MUC5B: variants seen among roughly 807,000 people sequenced by gnomAD.
MUC5B encodes mucin-5B.
Under a neutral mutation model 376.9 loss-of-function variants are expected in MUC5B, and 116 were observed. The observed-to-expected ratio is 0.31, with a 90% confidence interval of 0.26 to 0.36. The LOEUF (loss-of-function observed/expected upper bound fraction) is 0.36, where lower values mean the gene tolerates loss of function less well. Among genes scored for constraint, MUC5B ranks in the 10% least tolerant of loss-of-function variants. The pLI is 1.00. For missense variants in MUC5B, 7,165 were observed against 7,769.9 expected (o/e 0.92, Z 2.93); for synonymous variants, 3,517 against 3,390.9 (o/e 1.04, Z -1.29).
At chr11:1,228,870 AGGGCAGAGGACCCACCCCAGGCATAGT>A (rs1861955387) in intron 8 of MUC5B, 105 bp downstream of exon 8, 1 of 658,474 alleles carries the variant, frequency 1.5e-6, no homozygotes, top group Non-Finnish European at 2.0e-6. Context: ...ACAGGGGTGG[AGGGCAGAGGACCCACCCCAGGCATAGT>A]GGGCAGAGGC....
chr11:1,234,574 G>T lies in MUC5B; in HGVS notation c.2524G>T (p.Val842Leu), dbSNP rs1214770016. The change falls in exon 21 of 49, where the codon GTG becomes TTG. Residue 842 changes from valine to leucine, a missense_variant. This residue lies in a region of MUC5B where 530 missense variants were observed against 604.0 expected (regional missense o/e 0.88). Coordinates refer to ENST00000529681, the MANE Select transcript of MUC5B (RefSeq NM_002458.3). The surrounding 1 kb of genome is among the most constrained non-coding windows in gnomAD (Gnocchi z 6.3). ...VSGCVCPPGL[V>L]SDGSGGCIAE... The stretch of plus-strand genomic sequence containing the variant: ...CGGCTGTGTCTGTCCCCCGGGGCTG[G>T]TGTCGGATGGGAGTGGGGGCTGCAT... 2.5e-6 allele frequency: 4 copies of T among 1,580,154 alleles called. No homozygotes were observed. The highest frequency in any genetic ancestry group is 3.4e-6 in the Non-Finnish European group (4 of 1,163,962).
intron 25 of MUC5B, 93 bp downstream of exon 25, chr11:1,237,257 T>C (rs1862181508): frequency 7.8e-7 from 1 of 1,286,162 alleles, no homozygotes; most frequent in East Asian, 3.1e-5. Flanking sequence ...ACAGCAGCGC[T>C]CCAAGGAGGG....
chr11:1,259,429 G>T, intron 44 of MUC5B: 1 of 503,474 alleles, frequency 2.0e-6, no homozygotes, highest in South Asian at 2.3e-5. Flanking sequence ...CTCAGCCATT[G>T]CTGGGGTCTT....
chr11:1,257,833 G>A lies in MUC5B; in HGVS notation c.16450+123G>A, dbSNP rs144984348. ...AGAGCCACTGTGTCCTGGCGTGACC[G>A]CGGCAGGACCACTCGGCAGAGATGG... On this transcript the variant is annotated intron_variant, in intron 41 of 48. Coordinates refer to ENST00000529681, the MANE Select transcript of MUC5B (RefSeq NM_002458.3). The surrounding 1 kb of genome is among the most constrained non-coding windows in gnomAD (Gnocchi z 8.9). The A allele has an allele frequency of 3.0e-5, 35 of 1,186,202 alleles. No individual in the cohort carries two copies. The highest frequency in any genetic ancestry group is 1.7e-4 in the African/African-American group (11 of 65,318). The allele number at this position is 1,186,202 out of a possible 1,614,324, so 73.5% of individuals were successfully genotyped here.
rs1032536973 is a variant in MUC5B, at chr11:1,257,958, G to C, written c.16451-141G>C. On this transcript the variant is annotated intron_variant, in intron 41 of 48. Coordinates refer to ENST00000529681, the MANE Select transcript of MUC5B (RefSeq NM_002458.3). This position sits in a 1 kb window ranked among gnomAD's most constrained non-coding sequence, Gnocchi z 8.9. ...TGGGAAGCAGCGGGGAGGTGGCCAAGCAAGGGGCCTGGAGGGAGCCCCCAG... is the reference window on the plus strand; with the variant it reads ...TGGGAAGCAGCGGGGAGGTGGCCAACCAAGGGGCCTGGAGGGAGCCCCCAG... 5 of 973,318 alleles carry C rather than the reference G, an allele frequency of 5.1e-6. No individual in the cohort carries two copies. The African/African-American group carries it at 8.2e-5, about 16-fold the overall frequency. The allele number at this position is 973,318 out of a possible 1,614,324, so 60.3% of individuals were successfully genotyped here. A position where few individuals can be genotyped will look rare whatever the true frequency, so the allele number is the denominator to read the frequency against.
intron 33 of MUC5B, 69 bp from the exon 34 acceptor site, chr11:1,254,023 C>T: frequency 6.5e-7 from 1 of 1,548,926 alleles, no homozygotes; most frequent in South Asian, 1.2e-5. Flanking sequence ...GTGACGCTGG[C>T]TGCCATGACG....
chr11:1,226,856 C>T lies in MUC5B; in HGVS notation c.441C>T (p.Ser147=), dbSNP rs371939551. Residue 147 remains serine (S), a synonymous_variant, in exon 4 of 49, where the codon TCC becomes TCT. Transcript: ENST00000529681. ...TGGTGCTGGAGGCGTCCAACGGCTC[C>T]GTCCTCATCAATGGGCAGCGGTGAG... ...QGLVLEASNG[S]VLINGQREEL... is the part of the protein sequence containing the mutation. 4.7e-5 allele frequency: 75 copies of T among 1,607,388 alleles called. No homozygotes were observed. The highest frequency in any genetic ancestry group is 2.3e-4 in the African/African-American group (17 of 74,998).
At position 1,248,017 on chromosome 11, in the gene MUC5B, T is replaced by G. The variant is rs748436238; in HGVS notation, c.11137T>G (p.Ser3713Ala). The change falls in exon 31 of 49, where the codon TCC (serine) becomes GCC (alanine). Residue 3713 changes from serine to alanine, a missense_variant. Physicochemically the swap from Ser to Ala is moderately conservative, Grantham distance 99. Transcript: ENST00000529681. ...GTCCACTGGATCCACGGCCACCCCG[T>G]CCTCCACCCCAGGGACCACCTGGAT... ...TESTGSTATPSSTPGTTWILT... is the reference protein window; with the variant it reads ...TESTGSTATPASTPGTTWILT... 1 of 1,607,610 alleles carries G rather than the reference T, an allele frequency of 6.2e-7. No individual in the cohort carries two copies. The highest frequency in any genetic ancestry group is 1.1e-5 in the South Asian group (1 of 90,826).
At position 1,244,744 on chromosome 11, in the gene MUC5B, T is replaced by G. The variant is rs778609264; in HGVS notation, c.7864T>G (p.Ser2622Ala). 1.3e-5 allele frequency: 21 copies of G among 1,611,242 alleles called. No homozygotes were observed. The highest frequency in any genetic ancestry group is 1.8e-5 in the Non-Finnish European group (21 of 1,178,844). ...TTTGFTATPS[S>A]SPGTARTLPV... Reference sequence around the variant, plus strand: ...CACGGGCTTCACAGCCACCCCCTCCTCCAGCCCAGGGACGGCACGCACGCT... The same window carrying G: ...CACGGGCTTCACAGCCACCCCCTCCGCCAGCCCAGGGACGGCACGCACGCT... The change falls in exon 31 of 49, where the codon TCC becomes GCC. Residue 2622 changes from serine (S) to alanine (A), a missense_variant. This residue lies in a region of MUC5B where 141 missense variants were observed against 111.2 expected (regional missense o/e 1.27). Transcript: ENST00000529681.
chr11:1,234,332 G>A lies in MUC5B; in HGVS notation c.2478+27G>A. On this transcript the variant is annotated intron_variant, in intron 20 of 48. Coordinates refer to ENST00000529681, the MANE Select transcript of MUC5B (RefSeq NM_002458.3). This position sits in a 1 kb window ranked among gnomAD's most constrained non-coding sequence, Gnocchi z 6.3. ...TGAGTTCCATGCTTCAGGGAGGGGT[G>A]GGCAGGGAAGGGGTCCCAGCTTTCC... 6.6e-7 allele frequency: 1 copy of A among 1,518,396 alleles called. No individual in the cohort carries two copies. Among genetic ancestry groups the A allele is most frequent in the African/African-American group, 1.4e-5 (1 of 73,152 alleles). 94.1% of individuals were successfully genotyped at this position (1,518,396 alleles called of 1,614,324 possible).
chr11:1,257,831 C>T lies in MUC5B; in HGVS notation c.16450+121C>T, dbSNP rs925487908. On this transcript the variant is annotated intron_variant, in intron 41 of 48. Coordinates refer to ENST00000529681, the MANE Select transcript of MUC5B (RefSeq NM_002458.3). This position sits in a 1 kb window ranked among gnomAD's most constrained non-coding sequence, Gnocchi z 8.9. ...GGAGAGCCACTGTGTCCTGGCGTGACCGCGGCAGGACCACTCGGCAGAGAT... is the reference window on the plus strand; with the variant it reads ...GGAGAGCCACTGTGTCCTGGCGTGATCGCGGCAGGACCACTCGGCAGAGAT... 1.5e-5 allele frequency: 18 copies of T among 1,221,726 alleles called. No individual in the cohort carries two copies. Among genetic ancestry groups the T allele is most frequent in the Admixed American group, 2.6e-5 (1 of 38,998 alleles). The allele number at this position is 1,221,726 out of a possible 1,614,324, so 75.7% of individuals were successfully genotyped here.
In MUC5B at chr11:1,258,253, G is replaced by A; in HGVS notation, c.16555+50G>A. On this transcript the variant is annotated intron_variant, in intron 42 of 48. Transcript: ENST00000529681. The surrounding 1 kb of genome is among the most constrained non-coding windows in gnomAD (Gnocchi z 5.5). Reference sequence around the variant, plus strand: ...CTGGGTGGCCTCTTGCTGGGGGTGGGGGAGTGCAGGATGGTGGGGGCGCTG... The same window carrying A: ...CTGGGTGGCCTCTTGCTGGGGGTGGAGGAGTGCAGGATGGTGGGGGCGCTG... 6.3e-7 allele frequency: 1 copy of A among 1,578,812 alleles called. No individual in the cohort carries two copies. Among genetic ancestry groups the A allele is most frequent in the Non-Finnish European group, 8.6e-7 (1 of 1,162,368 alleles).
Position 1,242,276 on chromosome 11 carries a change from C to A in MUC5B, c.5396C>A (p.Pro1799Gln). ...ACAGAGTGGTTTGACGTGGACTTCC[C>A]AACCTCAGGGGTTGCAGGCGGGGAC... is the stretch of plus-strand genomic sequence containing the variant. The part of the protein sequence containing the change: ...EWTEWFDVDF[P>Q]TSGVAGGDME... Residue 1799 changes from proline (P) to glutamine (Q), a missense_variant, in exon 31 of 49, where the codon CCA (proline) becomes CAA (glutamine). Physicochemically the swap from Pro to Gln is moderately conservative, Grantham distance 76. Transcript: ENST00000529681. 1 of 1,613,896 alleles carries A rather than the reference C, an allele frequency of 6.2e-7. No individual in the cohort carries two copies. Among genetic ancestry groups the A allele is most frequent in the Non-Finnish European group, 8.5e-7 (1 of 1,179,870 alleles).
At chr11:1,230,279 G>A (rs1182446544) in intron 11 of MUC5B, 136 bp downstream of exon 11, 1 of 1,316,836 alleles carries the variant, frequency 7.6e-7, no homozygotes, top group Non-Finnish European at 1.0e-6. Flanking sequence ...GGGTCCCCAT[G>A]ATGGTCATAG....
In MUC5B at chr11:1,255,286, G is replaced by A. The variant is rs1862807173; in HGVS notation, c.15890+20G>A. 1.3e-6 allele frequency: 2 copies of A among 1,507,926 alleles called. No individual in the cohort carries two copies. Among genetic ancestry groups the A allele is most frequent in the African/African-American group, 1.4e-5 (1 of 72,208 alleles). The allele number at this position is 1,507,926 out of a possible 1,614,324, so 93.4% of individuals were successfully genotyped here. ...GAGCCAGTGAGTCCTCCCCTCGGGG[G>A]TTGCAGGCCCTGGGGCGCCCCCGCC... On this transcript the variant is annotated intron_variant, in intron 36 of 48. Transcript: ENST00000529681.
chr11:1,224,542 C>T (rs1217883164), intron 1 of MUC5B, among the ~76,000 whole-genome samples: 2 of 57,658 alleles, frequency 3.5e-5, no homozygotes, highest in East Asian at 1.1e-3. Flanking sequence ...GGGGGAGGGG[C>T]TGTAGGGCCA....
At chr11:1,260,861 C>G (rs1862978201) in intron 48 of MUC5B, 133 bp downstream of exon 48, 1 of 675,296 alleles carries the variant, frequency 1.5e-6, no homozygotes, top group Non-Finnish European at 2.6e-6. Context: ...AGGGGCTCCC[C>G]AGCAGGGCTC....
Position 1,260,875 on chromosome 11 carries a change from C to T in MUC5B, c.17069+147C>T, listed in dbSNP as rs533760266. 7.4e-4 allele frequency: 478 copies of T among 647,604 alleles called. 6 individuals are homozygous for T. In the African/African-American group the frequency reaches 7.7e-3, roughly 10 times the overall value. The allele number at this position is 647,604 out of a possible 1,614,324, so 40.1% of individuals were successfully genotyped here. On this transcript the variant is annotated intron_variant, in intron 48 of 48. Transcript: ENST00000529681. Reference sequence around the variant, plus strand: ...AAGGGGCTCCCCAGCAGGGCTCCCCCTCTCCACGTCCATTGGCAGAAAGCC... The same window carrying T: ...AAGGGGCTCCCCAGCAGGGCTCCCCTTCTCCACGTCCATTGGCAGAAAGCC...
In MUC5B at chr11:1,248,745, G is replaced by T. The variant is rs748513901; in HGVS notation, c.11865G>T (p.Thr3955=). The change falls in exon 31 of 49, where the codon ACG becomes ACT. Residue 3955 remains threonine (T), a synonymous_variant. Coordinates refer to ENST00000529681, the MANE Select transcript of MUC5B (RefSeq NM_002458.3). The part of the protein sequence containing the change: ...PSLITTATTI[T]ATGSTTNPSS... Reference sequence around the variant, plus strand: ...TGATCACCACGGCCACTACGATCACGGCCACCGGCTCCACCACCAACCCCT... The same window carrying T: ...TGATCACCACGGCCACTACGATCACTGCCACCGGCTCCACCACCAACCCCT... 3 of 1,551,352 alleles carry T rather than the reference G, an allele frequency of 1.9e-6. No homozygotes were observed. In the East Asian group the frequency reaches 7.3e-5, roughly 38 times the overall value.
Sources: gnomAD v4.1 joint callset for allele counts (sites outside exome capture counted in the v4.1 genomes callset) on GRCh38, gnomAD v4.1.1 for gene constraint, gnomAD v4.1.1 regional missense constraint, Gnocchi (gnomAD v3.1) non-coding constraint, MANE v1.5 for transcripts, NCBI Gene and HGNC (gene_info 2026-07-23, HGNC 2026-07-21) for gene names.